TRPC6: variants seen among roughly 807,000 people sequenced by gnomAD.
The protein encoded by TRPC6 is transient receptor potential cation channel subfamily C member 6, also known as short transient receptor potential channel 6.
TRPC6 carries 55 observed loss-of-function variants against 90.7 expected under a neutral mutation model. The ratio of observed to expected loss-of-function variants is 0.61; its 90% confidence interval spans 0.49 to 0.76. The LOEUF is 0.76. TRPC6 is among the 30% of genes least tolerant of loss of function. The pLI, the probability that TRPC6 is intolerant of heterozygous loss-of-function variation, is 0.00. For synonymous variants in TRPC6, 393 were observed against 393.0 expected (o/e 1.00, Z 0.00); for missense variants, 989 against 1,122.7 (o/e 0.88, Z 1.70).
intron 1 of TRPC6, among the ~76,000 whole-genome samples, chr11:101,554,910 CCTCT>C (rs541443279): frequency 2.0e-4 from 30 of 152,188 alleles, no homozygotes; most frequent in African/African-American, 6.7e-4. Context: ...CCCTCTCTGT[CCTCT>C]CTAAGTTTGT....
intron 3 of TRPC6, among the ~76,000 whole-genome samples, chr11:101,491,013 G>A (rs1337220668): frequency 1.3e-5 from 2 of 152,208 alleles, no homozygotes; most frequent in Non-Finnish European, 1.5e-5. Context: ...CATTAGCACA[G>A]TAAGAAAATG....
At chr11:101,478,890 A>C (rs1859479850) in intron 5 of TRPC6, among the ~76,000 whole-genome samples, 1 of 152,162 alleles carries the variant, frequency 6.6e-6, no homozygotes, top group Admixed American at 6.5e-5. Context: ...AAAACAACCA[A>C]AAAACCCACC....
chr11:101,490,354 G>C (rs188355829), intron 3 of TRPC6, among the ~76,000 whole-genome samples: 89 of 152,220 alleles, frequency 5.8e-4, no homozygotes, highest in African/African-American at 1.9e-3. Context: ...TTCAGAACTG[G>C]AAAAATTGGG....
chr11:101,561,854 TTATA>T (rs1290790502), intron 1 of TRPC6, among the ~76,000 whole-genome samples: 3 of 150,520 alleles, frequency 2.0e-5, no homozygotes, highest in African/African-American at 7.3e-5. Context: ...ACATATTAGT[TTATA>T]TATTTATACA....
At chr11:101,455,795 A>T (rs1858869258) in intron 10 of TRPC6, among the ~76,000 whole-genome samples, 1 of 152,182 alleles carries the variant, frequency 6.6e-6, no homozygotes, top group South Asian at 2.1e-4. Flanking sequence ...TTGCTTTGAT[A>T]CTTTAAATAG....
At position 101,453,001 on chromosome 11, in the gene TRPC6, C is replaced by G. The variant is rs1325013248; in HGVS notation, c.2750G>C (p.Gly917Ala). 5.0e-6 allele frequency: 8 copies of G among 1,613,824 alleles called. No homozygotes were observed. The highest frequency in any genetic ancestry group is 6.8e-6 in the Non-Finnish European group (8 of 1,179,892). Residue 917 changes from glycine to alanine, a missense_variant, in exon 13 of 13, where the codon GGA (glycine) becomes GCA (alanine). Transcript: ENST00000344327. ...ATTTGGTTCCATGGATAATTTCTCT[C>G]CAAGTTCTCTAATAAGTTCTGCTAG... ...EDLAELIREL[G>A]EKLSMEPNQE...
chr11:101,528,700 T>G (rs921505325), intron 1 of TRPC6, among the ~76,000 whole-genome samples: 1 of 152,120 alleles, frequency 6.6e-6, no homozygotes, highest in Non-Finnish European at 1.5e-5. Context: ...TCTTAGCCTG[T>G]GCATATCTGA....
At position 101,504,316 on chromosome 11, in the gene TRPC6, T is replaced by A. The variant is rs779430565; in HGVS notation, c.653A>T (p.His218Leu). ...AYDEDGTRFS[H>L]DVTPIILAAH... Reference sequence around the variant, plus strand: ...AGCCAGAATGATTGGAGTCACATCATGGGAGAACCGTGTCCCATCTTCATC... The same window carrying A: ...AGCCAGAATGATTGGAGTCACATCAAGGGAGAACCGTGTCCCATCTTCATC... Residue 218 changes from histidine (H) to leucine (L), a missense_variant, in exon 2 of 13, where the codon CAT becomes CTT. This residue lies in a region of TRPC6 where 486 missense variants were observed against 591.9 expected (regional missense o/e 0.82). Coordinates refer to ENST00000344327, the MANE Select transcript of TRPC6 (RefSeq NM_004621.6). 12 of 1,613,878 alleles carry A rather than the reference T, an allele frequency of 7.4e-6. No homozygotes were observed. The highest frequency in any genetic ancestry group is 9.3e-6 in the Non-Finnish European group (11 of 1,179,882).
intron 1 of TRPC6, among the ~76,000 whole-genome samples, chr11:101,516,897 T>C (rs975717882): frequency 6.6e-6 from 1 of 152,248 alleles, no homozygotes; most frequent in Admixed American, 6.5e-5. Context: ...GAGAGAGGGC[T>C]CACCCTCACT....
chr11:101,561,754 C>T (rs996678787), intron 1 of TRPC6, among the ~76,000 whole-genome samples: 10 of 151,392 alleles, frequency 6.6e-5, no homozygotes, highest in African/African-American at 2.2e-4. Context: ...GAAAGAAAAA[C>T]AATTACAATA....
At chr11:101,555,995 G>C (rs779874384) in intron 1 of TRPC6, among the ~76,000 whole-genome samples, 11 of 152,118 alleles carry the variant, frequency 7.2e-5, no homozygotes, top group Non-Finnish European at 1.6e-4. Flanking sequence ...AGATTAAAAG[G>C]GGGATTTTTT....
At chr11:101,495,406 T>C (rs1408110952) in intron 2 of TRPC6, among the ~76,000 whole-genome samples, 1 of 152,058 alleles carries the variant, frequency 6.6e-6, no homozygotes, top group Non-Finnish European at 1.5e-5. Context: ...GCTTTGGAGA[T>C]GGCAGACCTG....
Position 101,561,821 on chromosome 11 carries a change from T to A in TRPC6, c.170+21513A>T, listed in dbSNP as rs961365848. On this transcript the variant is annotated intron_variant, in intron 1 of 12. Coordinates refer to ENST00000344327, the MANE Select transcript of TRPC6 (RefSeq NM_004621.6). The stretch of plus-strand genomic sequence containing the variant: ...ATATGTAATATAGATAGAAAGACAT[T>A]AAATAATATATATTAAATATACACA... Among the ~76,000 whole-genome samples, 4 of 150,754 alleles carry A rather than the reference T, an allele frequency of 2.7e-5. No individual in the cohort carries two copies. In the Admixed American group the frequency reaches 2.7e-4, roughly 10 times the overall value.
rs187278995 is a variant in TRPC6 at position 101,517,706 on chromosome 11, G to T, written c.171-12908C>A. On this transcript the variant is annotated intron_variant, in intron 1 of 12. Transcript: ENST00000344327. Reference sequence around the variant, plus strand: ...CTGCTTTAAGTTTTTCTAGAGGAGGGAATATATAAAAATTATTAATTATAT... The same window carrying T: ...CTGCTTTAAGTTTTTCTAGAGGAGGTAATATATAAAAATTATTAATTATAT... 1.6e-3 allele frequency among the ~76,000 whole-genome samples: 249 copies of T among 152,182 alleles called. 2 individuals are homozygous for T. The highest frequency in any genetic ancestry group is 5.5e-3 in the African/African-American group (230 of 41,522).
chr11:101,508,459 A>G (rs1860323632), intron 1 of TRPC6, among the ~76,000 whole-genome samples: 1 of 152,154 alleles, frequency 6.6e-6, no homozygotes, highest in South Asian at 2.1e-4. Flanking sequence ...TAGAAGAGAC[A>G]GGAGATCATC....
chr11:101,496,388 G>C (rs1242811905), intron 2 of TRPC6, among the ~76,000 whole-genome samples: 2 of 152,138 alleles, frequency 1.3e-5, no homozygotes, highest in African/African-American at 2.4e-5. Flanking sequence ...TCACCAGATG[G>C]CACACTGATC....
intron 5 of TRPC6, among the ~76,000 whole-genome samples, chr11:101,482,522 A>G (rs1301029271): frequency 6.6e-6 from 1 of 152,260 alleles, no homozygotes; most frequent in Non-Finnish European, 1.5e-5. Context: ...TGATGTATAT[A>G]AAGTGCTTGG....
At chr11:101,570,709 TG>T (rs1861943661) in intron 1 of TRPC6, among the ~76,000 whole-genome samples, 1 of 152,200 alleles carries the variant, frequency 6.6e-6, no homozygotes, top group Non-Finnish European at 1.5e-5. Context: ...GATGCAAGGC[TG>T]GTTCAACATA....
At chr11:101,576,675 T>A (rs1240345984) in intron 1 of TRPC6, among the ~76,000 whole-genome samples, 2 of 152,192 alleles carry the variant, frequency 1.3e-5, no homozygotes, top group African/African-American at 4.8e-5. Context: ...TGGCATTTTT[T>A]ATGAAAGAGG....
Sources: allele counts gnomAD v4.1 joint callset (sites outside exome capture counted in the v4.1 genomes callset), GRCh38; gene constraint gnomAD v4.1.1; regional missense constraint gnomAD v4.1.1; transcripts MANE v1.5; gene names NCBI Gene and HGNC (gene_info 2026-07-23, HGNC 2026-07-21).